Variants in EPB41L2 observed in about 807,000 individuals in gnomAD.
The protein encoded by EPB41L2 is erythrocyte membrane protein band 4.1 like 2.
Under a neutral mutation model 113.0 loss-of-function variants are expected in EPB41L2, and 43 were observed. The observed-to-expected ratio is 0.38, with a 90% confidence interval of 0.30 to 0.49. The LOEUF (loss-of-function observed/expected upper bound fraction) is 0.49. Ranked by LOEUF, EPB41L2 falls within the 20% of genes least tolerant of loss-of-function variation. The pLI, the probability that EPB41L2 is intolerant of heterozygous loss-of-function variation, is 0.95. For missense variants in EPB41L2, 1,147 were observed against 1,223.4 expected (o/e 0.94, Z 0.93); for synonymous variants, 442 against 436.7 (o/e 1.01, Z -0.15).
At chr6:130,928,635 C>T (rs961142567) in intron 3 of EPB41L2, among the ~76,000 whole-genome samples, 3 of 152,234 alleles carry the variant, frequency 2.0e-5, no homozygotes, top group Non-Finnish European at 2.9e-5. Context: ...AACATGCCCT[C>T]ATGGGCAGAA....
At chr6:130,906,390 T>G (rs1363027022) in intron 5 of EPB41L2, among the ~76,000 whole-genome samples, 1 of 152,216 alleles carries the variant, frequency 6.6e-6, no homozygotes, top group African/African-American at 2.4e-5. Flanking sequence ...ACGTATACAT[T>G]GTGGAATGGC....
At chr6:130,859,193 A>G (rs1781221458) in intron 18 of EPB41L2, among the ~76,000 whole-genome samples, 1 of 152,226 alleles carries the variant, frequency 6.6e-6, no homozygotes, top group South Asian at 2.1e-4. Flanking sequence ...TATGGGTGAG[A>G]AAACAAAACA....
At chr6:130,903,069 A>G (rs982717828) in intron 6 of EPB41L2, among the ~76,000 whole-genome samples, 3 of 152,144 alleles carry the variant, frequency 2.0e-5, no homozygotes, top group Non-Finnish European at 4.4e-5. Flanking sequence ...TCCTCCCACT[A>G]GACAGGGAGA....
At chr6:130,922,826 T>C (rs1196029915) in intron 4 of EPB41L2, among the ~76,000 whole-genome samples, 1 of 152,192 alleles carries the variant, frequency 6.6e-6, no homozygotes, top group East Asian at 1.9e-4. Context: ...AGCCTCCATA[T>C]GAATATGATA....
At chr6:130,850,225 G>A (rs1778393233) in intron 19 of EPB41L2, among the ~76,000 whole-genome samples, 1 of 152,030 alleles carries the variant, frequency 6.6e-6, no homozygotes, top group African/African-American at 2.4e-5. Flanking sequence ...GCGACAAGAG[G>A]GAAACTCTGT....
At chr6:130,906,070 G>A (rs563941263) in intron 5 of EPB41L2, among the ~76,000 whole-genome samples, 32 of 152,230 alleles carry the variant, frequency 2.1e-4, no homozygotes, top group Middle Eastern at 3.4e-3. Context: ...GGCCTATAGC[G>A]CCATGATGAC....
intron 1 of EPB41L2, among the ~76,000 whole-genome samples, chr6:130,997,297 C>T (rs1273935178): frequency 3.9e-5 from 6 of 152,134 alleles, no homozygotes; most frequent in Non-Finnish European, 7.4e-5. Flanking sequence ...CCACTTAAAA[C>T]GCTATTAAGA....
chr6:130,867,880 TTAC>T, intron 15 of EPB41L2: 1 of 360,000 alleles, frequency 2.8e-6, no homozygotes, highest in Non-Finnish European at 5.3e-6. Flanking sequence ...CTAAATTATG[TTAC>T]TCTTTAAATT....
rs1816328530 is a variant in EPB41L2 at position 130,954,036 on chromosome 6, C to CTTTTTTTT, written c.705+1068_705+1069insAAAAAAAA. 2.6e-4 allele frequency among the ~76,000 whole-genome samples: 12 copies of CTTTTTTTT among 45,520 alleles called. 1 individual carries two copies. Among genetic ancestry groups the CTTTTTTTT allele is most frequent in the African/African-American group, 5.8e-4 (10 of 17,180 alleles). 29.9% of individuals were successfully genotyped at this position (45,520 alleles called of 152,430 possible). A position where few individuals can be genotyped will look rare whatever the true frequency, so the allele number is the denominator to read the frequency against. On this transcript the variant is annotated intron_variant, in intron 3 of 19. Transcript: ENST00000337057. ...TTAATCCTCTTTTGCTAGTCCTTTT[C>CTTTTTTTT]TTTCTTTTTTTTTTTTTTTTTTTTT...
At chr6:131,015,511 GCCCACAGTAGAAAACTT>G (rs1274753489) in intron 1 of EPB41L2, among the ~76,000 whole-genome samples, 5 of 152,290 alleles carry the variant, frequency 3.3e-5, no homozygotes, top group Non-Finnish European at 5.9e-5. Flanking sequence ...GGGTTTCCTG[GCCCACAGTAGAAAACTT>G]CAGCCTGGGG....
intron 9 of EPB41L2, 104 bp downstream of exon 9, chr6:130,894,863 T>G (rs761235840): frequency 2.5e-6 from 3 of 1,208,246 alleles, no homozygotes; most frequent in Non-Finnish European, 2.2e-6. Flanking sequence ...GAAGAATAAA[T>G]AGTTTATTTT....
intron 1 of EPB41L2, among the ~76,000 whole-genome samples, chr6:131,058,915 C>T (rs1798117330): frequency 6.6e-6 from 1 of 152,086 alleles, no homozygotes; most frequent in Non-Finnish European, 1.5e-5. Flanking sequence ...ACTTGGAAGG[C>T]TGAAGCACGA....
At chr6:130,988,952 G>T (rs1265553839) in intron 1 of EPB41L2, among the ~76,000 whole-genome samples, 1 of 152,152 alleles carries the variant, frequency 6.6e-6, no homozygotes, top group Non-Finnish European at 1.5e-5. Context: ...AGCTGGGCAT[G>T]GTGGTGCATG....
chr6:130,909,779 T>C (rs1363633579), intron 4 of EPB41L2, among the ~76,000 whole-genome samples: 1 of 152,088 alleles, frequency 6.6e-6, no homozygotes, highest in African/African-American at 2.4e-5. Flanking sequence ...CCATTCACAA[T>C]TGCTACTAAG....
intron 3 of EPB41L2, among the ~76,000 whole-genome samples, chr6:130,933,035 A>G (rs1807448362): frequency 2.0e-5 from 3 of 152,268 alleles, no homozygotes. Flanking sequence ...ACTCTTCCTT[A>G]GTAAACTAGG....
At chr6:130,952,975 C>G (rs528568197) in intron 3 of EPB41L2, among the ~76,000 whole-genome samples, 1 of 148,616 alleles carries the variant, frequency 6.7e-6, no homozygotes, top group African/African-American at 2.5e-5. Flanking sequence ...CCATAAAGTA[C>G]GTTGGTCAGT....
At chr6:131,042,366 T>A (rs1343849043) in intron 1 of EPB41L2, among the ~76,000 whole-genome samples, 2 of 152,132 alleles carry the variant, frequency 1.3e-5, no homozygotes, top group African/African-American at 4.8e-5. Flanking sequence ...ACAAGCCTGA[T>A]ACAACAAATG....
chr6:130,902,430 C>T (rs1400129994), intron 6 of EPB41L2, among the ~76,000 whole-genome samples: 1 of 152,202 alleles, frequency 6.6e-6, no homozygotes, highest in Non-Finnish European at 1.5e-5. Flanking sequence ...TATAGTCCCA[C>T]AGTTACTGGA....
chr6:131,056,200 C>A (rs1311974349), intron 1 of EPB41L2, among the ~76,000 whole-genome samples: 1 of 152,136 alleles, frequency 6.6e-6, no homozygotes, highest in African/African-American at 2.4e-5. Context: ...CATTTTAATG[C>A]CATATGCAGA....
Sources: gnomAD v4.1 joint callset for allele counts (sites outside exome capture counted in the v4.1 genomes callset) on GRCh38, gnomAD v4.1.1 for gene constraint, MANE v1.5 for transcripts, NCBI Gene and HGNC (gene_info 2026-07-23, HGNC 2026-07-21) for gene names.